IDE: variants seen among roughly 807,000 people sequenced by gnomAD.
IDE encodes the protein insulin degrading enzyme, also known as insulin-degrading enzyme.
Under a neutral mutation model 133.2 loss-of-function variants are expected in IDE, and 58 were observed. The observed-to-expected ratio is 0.44, with a 90% CI of 0.35 to 0.54. The LOEUF (loss-of-function observed/expected upper bound fraction) is 0.54, where lower values mean the gene tolerates loss of function less well. Among genes scored for constraint, IDE ranks in the 20% least tolerant of loss-of-function variants. The pLI, the probability that IDE is intolerant of heterozygous loss-of-function variation, is 0.00. For synonymous variants in IDE, 396 were observed against 421.3 expected, an observed-to-expected ratio of 0.94 and a Z score of 0.73; for missense variants, 981 against 1,234.0, an observed-to-expected ratio of 0.79 and a Z score of 3.07.
At chr10:92,566,411 T>TCACACA (rs531974780) in intron 1 of IDE, among the ~76,000 whole-genome samples, 7 of 142,952 alleles carry the variant, frequency 4.9e-5, no homozygotes, top group African/African-American at 1.3e-4. Flanking sequence ...TCTCTCTCTC[T>TCACACA]CTCACACACA....
At chr10:92,543,933 T>G (rs982181416) in intron 1 of IDE, among the ~76,000 whole-genome samples, 1 of 152,090 alleles carries the variant, frequency 6.6e-6, no homozygotes. Context: ...TCAGGGCTGT[T>G]AGGAAATGTA....
In IDE at chr10:92,503,969, T is replaced by C. The variant is rs188870796; in HGVS notation, c.1430+825A>G. Among the ~76,000 whole-genome samples the C allele has an allele frequency of 3.3e-3, 509 of 152,114 alleles. 1 individual carries two copies. The highest frequency in any genetic ancestry group is 0.012 in the African/African-American group (492 of 41,532). The stretch of plus-strand genomic sequence containing the variant: ...CCGACCTCAGCTGATCCGCCCGCCC[T>C]GGCCTCCCAAAGTGCTGGGATTACA... On this transcript the variant is annotated intron_variant, in intron 11 of 24. Coordinates refer to ENST00000265986, the MANE Select transcript of IDE (RefSeq NM_004969.4).
chr10:92,564,687 A>C, intron 1 of IDE, among the ~76,000 whole-genome samples: 1 of 117,202 alleles, frequency 8.5e-6, no homozygotes, highest in Non-Finnish European at 1.8e-5. Flanking sequence ...AAAAAAAAAA[A>C]AAAAAAAAAA....
chr10:92,529,639 G>A (rs1195524716), intron 4 of IDE, among the ~76,000 whole-genome samples: 1 of 151,880 alleles, frequency 6.6e-6, no homozygotes, highest in South Asian at 2.1e-4. Flanking sequence ...ACTTTGGGAG[G>A]CGAGGCAGGA....
chr10:92,496,616 T>C (rs923352101), intron 11 of IDE, among the ~76,000 whole-genome samples: 1 of 151,984 alleles, frequency 6.6e-6, no homozygotes, highest in Non-Finnish European at 1.5e-5. Context: ...TGAAACCCTA[T>C]CTCTACTAAA....
chr10:92,562,139 C>A (rs12264361), intron 1 of IDE, among the ~76,000 whole-genome samples: 10,293 of 152,206 alleles, frequency 0.068, 495 homozygotes, highest in African/African-American at 0.12. Flanking sequence ...CCAAAAGGAA[C>A]TGAACTCTCA....
At chr10:92,507,487 T>C in intron 9 of IDE, 88 bp downstream of exon 9, 1 of 780,488 alleles carries the variant, frequency 1.3e-6, no homozygotes, top group Non-Finnish European at 2.3e-6. Flanking sequence ...TTTAAAAGTT[T>C]AACTGGGCCT....
chr10:92,533,563 A>G (rs1850062005), intron 3 of IDE, among the ~76,000 whole-genome samples: 1 of 152,128 alleles, frequency 6.6e-6, no homozygotes, highest in African/African-American at 2.4e-5. Context: ...ATCACAGAAA[A>G]CTATAAATAT....
At chr10:92,474,708 T>C in intron 17 of IDE, 133 bp downstream of exon 17, 1 of 742,978 alleles carries the variant, frequency 1.3e-6, no homozygotes, top group African/African-American at 1.8e-5. Context: ...ACTGTTTTTA[T>C]AAAACATATA....
chr10:92,524,451 A>ATAATATATAATATATATTATAT (rs1554844810), intron 4 of IDE, among the ~76,000 whole-genome samples: 1 of 49,636 alleles, frequency 2.0e-5, no homozygotes, highest in East Asian at 8.2e-4. Context: ...TATATTTTAT[A>ATAATATATAATATATATTATAT]TATTATATAT....
chr10:92,461,660 A>G (rs926856224), intron 21 of IDE, among the ~76,000 whole-genome samples: 2 of 151,270 alleles, frequency 1.3e-5, no homozygotes. Context: ...CTGGCCAAGT[A>G]TTCACAATTT....
intron 1 of IDE, among the ~76,000 whole-genome samples, chr10:92,564,114 T>C (rs1407017034): frequency 6.6e-6 from 1 of 152,112 alleles, no homozygotes. Context: ...AAAAGTTATC[T>C]CCCATGTAGT....
rs1843934759 is a variant in IDE at position 92,574,033 on chromosome 10, C to T, written c.-14G>A. ...CCGGTACCGCATTAGCCAGCGCAGT[C>T]GCCGGGATCACCGCAAACGCTTCCT... On this transcript the variant is annotated 5_prime_UTR_variant, in exon 1 of 25. Transcript: ENST00000265986. The T allele has an allele frequency of 6.6e-7, 1 of 1,508,042 alleles. No individual in the cohort carries two copies. The highest frequency in any genetic ancestry group is 8.8e-7 in the Non-Finnish European group (1 of 1,130,336). 93.4% of individuals were successfully genotyped at this position (1,508,042 alleles called of 1,614,324 possible). A position where few individuals can be genotyped will look rare whatever the true frequency, so the allele number is the denominator to read the frequency against.
Position 92,455,607 on chromosome 10 carries a change from A to G in IDE, c.2933T>C (p.Ile978Thr). ...VVGEFPCQND[I>T]NLSQAPALPQ... ...CAAGGCTGGTGCTTGTGACAAATTT[A>G]TGTCATTTTGACATGGGAACTCTCC... Residue 978 changes from isoleucine to threonine, a missense_variant, in exon 24 of 25, where the codon ATA becomes ACA. Coordinates refer to ENST00000265986, the MANE Select transcript of IDE (RefSeq NM_004969.4). The G allele has an allele frequency of 6.2e-7, 1 of 1,603,984 alleles. No homozygotes were observed. Among genetic ancestry groups the G allele is most frequent in the Non-Finnish European group, 8.5e-7 (1 of 1,170,860 alleles).
At chr10:92,487,860 G>C (rs1847097713) in intron 12 of IDE, among the ~76,000 whole-genome samples, 1 of 152,178 alleles carries the variant, frequency 6.6e-6, no homozygotes, top group Non-Finnish European at 1.5e-5. Context: ...GCAGTGGCAT[G>C]ATCTCAACTC....
intron 13 of IDE, among the ~76,000 whole-genome samples, chr10:92,485,234 T>A (rs999668456): frequency 2.7e-5 from 4 of 150,834 alleles, no homozygotes; most frequent in African/African-American, 9.7e-5. Flanking sequence ...TTCAAGCGAT[T>A]CTCCTGCCTC....
At chr10:92,570,776 G>C (rs1843743673) in intron 1 of IDE, among the ~76,000 whole-genome samples, 1 of 151,718 alleles carries the variant, frequency 6.6e-6, no homozygotes, top group Non-Finnish European at 1.5e-5. Context: ...TTAGTTGTGG[G>C]GTGGTGGCAT....
At chr10:92,527,580 C>T (rs1319253679) in intron 4 of IDE, among the ~76,000 whole-genome samples, 1 of 152,070 alleles carries the variant, frequency 6.6e-6, no homozygotes, top group Non-Finnish European at 1.5e-5. Context: ...CATGATATAC[C>T]TCCCCATTTA....
intron 1 of IDE, among the ~76,000 whole-genome samples, chr10:92,560,017 T>TA (rs1289909710): frequency 6.6e-6 from 1 of 151,884 alleles, no homozygotes; most frequent in African/African-American, 2.4e-5. Context: ...TTTACTTATT[T>TA]AAAAACTCAA....
Sources: gnomAD v4.1 joint callset for allele counts (sites outside exome capture counted in the v4.1 genomes callset) on GRCh38, gnomAD v4.1.1 for gene constraint, MANE v1.5 for transcripts, NCBI Gene and HGNC (gene_info 2026-07-23, HGNC 2026-07-21) for gene names.